ANKIB1: variants seen among roughly 807,000 people sequenced by gnomAD.
ANKIB1 encodes the protein ankyrin repeat and IBR domain containing 1, also known as ankyrin repeat and IBR domain-containing protein 1.
Under a neutral mutation model 122.1 loss-of-function variants are expected in ANKIB1, and 43 were observed. The observed-to-expected ratio is 0.35, with a 90% CI of 0.28 to 0.45. The LOEUF (loss-of-function observed/expected upper bound fraction) is 0.45. Ranked by LOEUF, ANKIB1 falls within the 20% of genes least tolerant of loss-of-function variation. The pLI, the probability that ANKIB1 is intolerant of heterozygous loss-of-function variation, is 1.00. For missense variants in ANKIB1, 992 were observed against 1,329.5 expected, an observed-to-expected ratio of 0.75 and a Z score of 3.95; for synonymous variants, 390 against 442.0, an observed-to-expected ratio of 0.88 and a Z score of 1.48.
At chr7:92,249,963 A>G (rs1444550113) in intron 1 of ANKIB1, among the ~76,000 whole-genome samples, 1 of 152,138 alleles carries the variant, frequency 6.6e-6, no homozygotes, top group East Asian at 1.9e-4. Context: ...TTCTTGTAAT[A>G]TTCTCGAAAA....
chr7:92,327,340 G>C (rs1326535434), intron 4 of ANKIB1, among the ~76,000 whole-genome samples: 1 of 152,160 alleles, frequency 6.6e-6, no homozygotes, highest in Non-Finnish European at 1.5e-5. Flanking sequence ...AATTTAAATA[G>C]GAAGATTTTA....
chr7:92,397,141 T>C (rs1397694120), intron 18 of ANKIB1, among the ~76,000 whole-genome samples: 1 of 151,990 alleles, frequency 6.6e-6, no homozygotes, highest in Non-Finnish European at 1.5e-5. Context: ...AAAAGAGAAA[T>C]GGATAGTAGC....
intron 17 of ANKIB1, among the ~76,000 whole-genome samples, chr7:92,392,776 G>C (rs1240131726): frequency 6.6e-6 from 1 of 152,016 alleles, no homozygotes; most frequent in East Asian, 1.9e-4. Flanking sequence ...GTTGCTTTCT[G>C]CTTATCTTTA....
In ANKIB1 at chr7:92,307,574, G is replaced by C. The variant is rs202145070; in HGVS notation, c.404G>C (p.Arg135Thr). 30 of 1,613,448 alleles carry C rather than the reference G, an allele frequency of 1.9e-5. No homozygotes were observed. The highest frequency in any genetic ancestry group is 2.5e-5 in the Non-Finnish European group (29 of 1,179,854). ...AAACTTGACCAGGGTGAATATGAGA[G>C]AGCAGCTATTGATGCTGTTGATAAC... ...GAKLDQGEYE[R>T]AAIDAVDNKK... The change falls in exon 3 of 20, where the codon AGA (arginine) becomes ACA (threonine). Residue 135 changes from arginine (R) to threonine (T), a missense_variant. This residue lies in a region of ANKIB1 where 521 missense variants were observed against 777.7 expected (regional missense o/e 0.67). Coordinates refer to ENST00000265742, the MANE Select transcript of ANKIB1 (RefSeq NM_019004.2).
chr7:92,285,711 A>G (rs1349545815), intron 1 of ANKIB1, among the ~76,000 whole-genome samples: 1 of 152,250 alleles, frequency 6.6e-6, no homozygotes, highest in Non-Finnish European at 1.5e-5. Flanking sequence ...CCAAGTTCAG[A>G]GTAGACAAAA....
intron 11 of ANKIB1, among the ~76,000 whole-genome samples, chr7:92,384,632 G>A (rs1207410243): frequency 2.0e-5 from 3 of 152,096 alleles, no homozygotes; most frequent in African/African-American, 7.2e-5. Flanking sequence ...ACAAGAAATG[G>A]GGAAAGGATT....
chr7:92,266,263 T>C (rs1050630055), intron 1 of ANKIB1, among the ~76,000 whole-genome samples: 1 of 152,118 alleles, frequency 6.6e-6, no homozygotes, highest in African/African-American at 2.4e-5. Flanking sequence ...TGTGATATGA[T>C]CAGCGTCCAG....
intron 2 of ANKIB1, among the ~76,000 whole-genome samples, chr7:92,300,968 T>C (rs1411392119): frequency 6.6e-6 from 1 of 152,184 alleles, no homozygotes; most frequent in Non-Finnish European, 1.5e-5. Context: ...CTGTGTATAA[T>C]GCACTGAACT....
chr7:92,349,382 A>G (rs1319346945), intron 7 of ANKIB1, among the ~76,000 whole-genome samples: 1 of 152,226 alleles, frequency 6.6e-6, no homozygotes, highest in African/African-American at 2.4e-5. Flanking sequence ...ATGAAAGAGA[A>G]GATGGAGCAA....
chr7:92,336,672 G>T (rs1325199320), intron 5 of ANKIB1, among the ~76,000 whole-genome samples: 2 of 151,938 alleles, frequency 1.3e-5, no homozygotes, highest in African/African-American at 4.8e-5. Context: ...AAAGTGCTCT[G>T]GTCACCCTGA....
intron 1 of ANKIB1, among the ~76,000 whole-genome samples, chr7:92,261,440 C>T (rs1332693165): frequency 6.6e-6 from 1 of 151,184 alleles, no homozygotes; most frequent in Non-Finnish European, 1.5e-5. Flanking sequence ...CAACATACTA[C>T]ACCTGGCATA....
At chr7:92,311,626 T>C (rs190888657) in intron 3 of ANKIB1, among the ~76,000 whole-genome samples, 28 of 152,230 alleles carry the variant, frequency 1.8e-4, no homozygotes, top group African/African-American at 6.3e-4. Context: ...TTTAAACAGT[T>C]TCTTATAGCT....
chr7:92,398,229 T>G lies in ANKIB1; in HGVS notation c.2550T>G (p.Asp850Glu). The G allele has an allele frequency of 6.3e-7, 1 of 1,593,164 alleles. No individual in the cohort carries two copies. The highest frequency in any genetic ancestry group is 2.2e-5 in the East Asian group (1 of 44,658). Residue 850 changes from aspartate to glutamate, a missense_variant, in exon 20 of 20, where the codon GAT becomes GAG. Asp to Glu is a conservative substitution (Grantham distance 45). Coordinates refer to ENST00000265742, the MANE Select transcript of ANKIB1 (RefSeq NM_019004.2). Reference sequence around the variant, plus strand: ...TGCTTCAGGCTCTGAGTTCCTTGGATGAAGACGATCCCAATATACTTCTTG... The same window carrying G: ...TGCTTCAGGCTCTGAGTTCCTTGGAGGAAGACGATCCCAATATACTTCTTG... ...QDSLQALSSL[D>E]EDDPNILLAI...
At chr7:92,270,087 G>C (rs1337488391) in intron 1 of ANKIB1, among the ~76,000 whole-genome samples, 1 of 151,736 alleles carries the variant, frequency 6.6e-6, no homozygotes, top group African/African-American at 2.4e-5. Flanking sequence ...TTGGAGATAG[G>C]GTCTCACTGT....
chr7:92,397,795 T>G lies in ANKIB1; in HGVS notation c.2468T>G (p.Leu823Arg). Residue 823 changes from leucine to arginine, a missense_variant, in exon 19 of 20, where the codon CTG becomes CGG. Leu to Arg is a moderately radical substitution (Grantham distance 102). Transcript: ENST00000265742. ...SVVSSASMSV[L>R]HSSSLRDYTP... Reference sequence around the variant, plus strand: ...GTAAGTTCTGCATCTATGAGTGTGCTGCACAGCTCTTCCCTGCGTGACTAC... The same window carrying G: ...GTAAGTTCTGCATCTATGAGTGTGCGGCACAGCTCTTCCCTGCGTGACTAC... 1 of 1,607,256 alleles carries G rather than the reference T, an allele frequency of 6.2e-7. No individual in the cohort carries two copies. The highest frequency in any genetic ancestry group is 8.5e-7 in the Non-Finnish European group (1 of 1,178,178).
intron 2 of ANKIB1, among the ~76,000 whole-genome samples, chr7:92,300,666 A>G (rs539041538): frequency 1.3e-5 from 2 of 152,124 alleles, no homozygotes; most frequent in Non-Finnish European, 2.9e-5. Context: ...CAGTCAAGCT[A>G]CTTAACATAT....
chr7:92,320,885 T>C (rs1263993544), intron 4 of ANKIB1, among the ~76,000 whole-genome samples: 1 of 152,182 alleles, frequency 6.6e-6, no homozygotes, highest in African/African-American at 2.4e-5. Flanking sequence ...TTTGCTCAGT[T>C]GTAAGCCCTT....
chr7:92,395,945 T>C (rs1804882412), intron 17 of ANKIB1: 1 of 188,018 alleles, frequency 5.3e-6, no homozygotes. Context: ...GGCCAGAAGT[T>C]CAAGACCAGC....
At chr7:92,389,564 C>T (rs1292878060) in intron 14 of ANKIB1, among the ~76,000 whole-genome samples, 2 of 151,990 alleles carry the variant, frequency 1.3e-5, no homozygotes, top group Non-Finnish European at 2.9e-5. Context: ...TTTTTATAAG[C>T]AACTTAGAAA....
Sources: allele counts gnomAD v4.1 joint callset (sites outside exome capture counted in the v4.1 genomes callset), GRCh38; gene constraint gnomAD v4.1.1; regional missense constraint gnomAD v4.1.1; transcripts MANE v1.5; gene names NCBI Gene and HGNC (gene_info 2026-07-23, HGNC 2026-07-21).